DTX3L: variants seen among roughly 807,000 people sequenced by gnomAD.
The protein encoded by DTX3L is deltex E3 ubiquitin ligase 3L.
In DTX3L, 34 loss-of-function variants were observed where a neutral mutation model predicts 60.9. The ratio of observed to expected loss-of-function variants is 0.56; its 90% CI spans 0.42 to 0.74. The LOEUF (loss-of-function observed/expected upper bound fraction) is 0.74. Among genes scored for constraint, DTX3L ranks in the 30% least tolerant of loss-of-function variants. The pLI, the probability that DTX3L is intolerant of heterozygous loss-of-function variation, is 0.00. For synonymous variants in DTX3L, 290 were observed against 316.6 expected (o/e 0.92, Z 0.89); for missense variants, 810 against 874.0 (o/e 0.93, Z 0.92).
At position 122,568,625 on chromosome 3, in the gene DTX3L, A is replaced by C; in HGVS notation, c.536A>C (p.Gln179Pro). Reference protein sequence around the residue: ...DGIEKVCGDFQDIERIHQFLS... With the variant: ...DGIEKVCGDFPDIERIHQFLS... ...ATTGAGAAGGTGTGTGGTGACTTCC[A>C]AGACATTGAAAGAATACATCAATTT... The change falls in exon 3 of 5, where the codon CAA becomes CCA. Residue 179 changes from glutamine (Q) to proline (P), a missense_variant. Physicochemically the swap from Gln to Pro is moderately conservative, Grantham distance 76. Transcript: ENST00000296161. 1.2e-6 allele frequency: 2 copies of C among 1,614,192 alleles called. No homozygotes were observed. The highest frequency in any genetic ancestry group is 1.7e-6 in the Non-Finnish European group (2 of 1,180,034).
At position 122,568,690 on chromosome 3, in the gene DTX3L, T is replaced by C; in HGVS notation, c.601T>C (p.Phe201Leu). The C allele has an allele frequency of 1.2e-6, 2 of 1,614,098 alleles. No homozygotes were observed. The highest frequency in any genetic ancestry group is 2.2e-5 in the East Asian group (1 of 44,874). The change falls in exon 3 of 5, where the codon TTT becomes CTT. Residue 201 changes from phenylalanine to leucine, a missense_variant. Phe to Leu is a conservative substitution (Grantham distance 22). Coordinates refer to ENST00000296161, the MANE Select transcript of DTX3L (RefSeq NM_138287.3). ...CCTGGAAAGTGAGCAGAAACAACAA[T>C]TTTCCCCTTCAATGACAGAGAGGAA... ...QFLESEQKQQFSPSMTERKPL... is the reference protein window; with the variant it reads ...QFLESEQKQQLSPSMTERKPL...
rs2107784279 is a variant in DTX3L, at chr3:122,574,674, C to G, written c.*2927C>G. The G allele has an allele frequency of 6.6e-6, 1 of 152,322 alleles. No individual in the cohort carries two copies. Among genetic ancestry groups the G allele is most frequent in the East Asian group, 1.9e-4 (1 of 5,208 alleles). The allele number at this position is 152,322 out of a possible 1,614,324, so 9.4% of individuals were successfully genotyped here. A position where few individuals can be genotyped will look rare whatever the true frequency, so the allele number is the denominator to read the frequency against. On this transcript the variant is annotated 3_prime_UTR_variant, in exon 5 of 5. Transcript: ENST00000296161. ...GTCACACAGTTAATAAGTGGAAATGCTGGGGTATGAACCAGGTAGTCTGCC... is the reference window on the plus strand; with the variant it reads ...GTCACACAGTTAATAAGTGGAAATGGTGGGGTATGAACCAGGTAGTCTGCC...
Position 122,564,597 on chromosome 3 carries a change from G to A in DTX3L, c.171G>A (p.Glu57=), listed in dbSNP as rs370020354. ...AAGCCCCGGGCACCTTCCGGGTGGA[G>A]TTCAGTGAAAGGGCAGGTGAGCTTC... ...EHEAPGTFRV[E]FSERAAKERV... The change falls in exon 1 of 5, where the codon GAG becomes GAA. Residue 57 remains glutamate (E), a synonymous_variant. Coordinates refer to ENST00000296161, the MANE Select transcript of DTX3L (RefSeq NM_138287.3). 7 of 1,598,280 alleles carry A rather than the reference G, an allele frequency of 4.4e-6. No homozygotes were observed. Among genetic ancestry groups the A allele is most frequent in the South Asian group, 2.2e-5 (2 of 90,228 alleles).
chr3:122,566,201 CAG>C (rs1438962668), intron 2 of DTX3L, 131 bp downstream of exon 2: 2 of 746,166 alleles, frequency 2.7e-6, no homozygotes, highest in East Asian at 2.7e-5. Flanking sequence ...GCACTGGACA[CAG>C]AGATGAATAT....
rs1039011441 is a variant in DTX3L, at chr3:122,571,995, G to A, written c.*248G>A. The A allele has an allele frequency of 5.4e-5, 13 of 242,078 alleles. No homozygotes were observed. Among genetic ancestry groups the A allele is most frequent in the African/African-American group, 1.8e-4 (8 of 44,968 alleles). 15.0% of individuals were successfully genotyped at this position (242,078 alleles called of 1,614,324 possible). A position where few individuals can be genotyped will look rare whatever the true frequency, so the allele number is the denominator to read the frequency against. On this transcript the variant is annotated 3_prime_UTR_variant, in exon 5 of 5. Transcript: ENST00000296161. ...ATGATCTCGGCTCACTGCAAGCTCCGCCTCCCAGGTTCATGCCATTCTCCT... is the reference window on the plus strand; with the variant it reads ...ATGATCTCGGCTCACTGCAAGCTCCACCTCCCAGGTTCATGCCATTCTCCT...
intron 2 of DTX3L, among the ~76,000 whole-genome samples, chr3:122,567,831 G>A (rs934154365): frequency 6.6e-6 from 1 of 152,170 alleles, no homozygotes; most frequent in Non-Finnish European, 1.5e-5. Flanking sequence ...TGTAGAACAC[G>A]GATCTCTTGG....
In DTX3L at chr3:122,569,964, A is replaced by G. The variant is rs2080633255; in HGVS notation, c.1875A>G (p.Pro625=). Reference sequence around the variant, plus strand: ...TCACTGTTTCAAGAGACTCACTTCCAGGTTATGAGTCCTTTGGCACCATTG... The same window carrying G: ...TCACTGTTTCAAGAGACTCACTTCCGGGTTATGAGTCCTTTGGCACCATTG... ...MVFTVSRDSL[P]GYESFGTIVI... The change falls in exon 3 of 5, where the codon CCA becomes CCG. Residue 625 remains proline, a synonymous_variant. Coordinates refer to ENST00000296161, the MANE Select transcript of DTX3L (RefSeq NM_138287.3). 1 of 1,614,016 alleles carries G rather than the reference A, an allele frequency of 6.2e-7. No individual in the cohort carries two copies. The highest frequency in any genetic ancestry group is 8.5e-7 in the Non-Finnish European group (1 of 1,180,020).
intron 2 of DTX3L, among the ~76,000 whole-genome samples, chr3:122,568,037 C>T (rs568236420): frequency 3.3e-5 from 5 of 152,238 alleles, no homozygotes; most frequent in South Asian, 2.1e-4. Flanking sequence ...AGACCAGGCA[C>T]GGTGGCACAT....
At chr3:122,567,247 CA>C (rs971244088) in intron 2 of DTX3L, among the ~76,000 whole-genome samples, 15 of 152,082 alleles carry the variant, frequency 9.9e-5, no homozygotes, top group African/African-American at 3.6e-4. Context: ...AGTTTTGAGC[CA>C]GGGGAGAGGG....
In DTX3L at chr3:122,569,243, A is replaced by G. The variant is rs375819612; in HGVS notation, c.1154A>G (p.Tyr385Cys). Residue 385 changes from tyrosine to cysteine, a missense_variant, in exon 3 of 5, where the codon TAT becomes TGT. Physicochemically the swap from Tyr to Cys is radical, Grantham distance 194. Transcript: ENST00000296161. The stretch of plus-strand genomic sequence containing the variant: ...GTAATTGAGGTTGATAGTGCCCACT[A>G]TAAACTTTTAGAAACTGAATTACTA... The part of the protein sequence containing the change: ...MNVIEVDSAH[Y>C]KLLETELLQE... 1.7e-5 allele frequency: 28 copies of G among 1,614,050 alleles called. No homozygotes were observed. The highest frequency in any genetic ancestry group is 4.0e-5 in the African/African-American group (3 of 74,924).
rs779697362 is a variant in DTX3L, at chr3:122,569,707, C to G, written c.1618C>G (p.Pro540Ala). Residue 540 changes from proline (P) to alanine (A), a missense_variant, in exon 3 of 5, where the codon CCG becomes GCG. By Grantham distance (27) the Pro-to-Ala change is conservative. Coordinates refer to ENST00000296161, the MANE Select transcript of DTX3L (RefSeq NM_138287.3). ...TAGCGATGATTCCAAAGCAGCTTCTCCGCCACTCAAGGGCTCTGTGAGTTC... is the reference window on the plus strand; with the variant it reads ...TAGCGATGATTCCAAAGCAGCTTCTGCGCCACTCAAGGGCTCTGTGAGTTC... ...IDSDDSKAASPPLKGSVSSEA... is the reference protein window; with the variant it reads ...IDSDDSKAASAPLKGSVSSEA... The G allele has an allele frequency of 1.2e-6, 2 of 1,614,210 alleles. No homozygotes were observed. Among genetic ancestry groups the G allele is most frequent in the East Asian group, 4.5e-5 (2 of 44,890 alleles).
At position 122,565,973 on chromosome 3, in the gene DTX3L, T is replaced by G; in HGVS notation, c.302T>G (p.Ile101Ser). 6.2e-7 allele frequency: 1 copy of G among 1,614,184 alleles called. No individual in the cohort carries two copies. The highest frequency in any genetic ancestry group is 8.5e-7 in the Non-Finnish European group (1 of 1,180,040). The part of the protein sequence containing the change: ...NSIKKNTRPQ[I>S]SSLTQSQAET... ...ATAAAGAAGAACACGAGACCTCAAA[T>G]TTCTTCACTGACACAATCACAAGCA... Residue 101 changes from isoleucine to serine, a missense_variant, in exon 2 of 5, where the codon ATT becomes AGT. Ile to Ser is a moderately radical substitution (Grantham distance 142, BLOSUM62 -2). Transcript: ENST00000296161.
At chr3:122,570,070 T>C (rs762168314) in intron 3 of DTX3L, 46 bp downstream of exon 3, 54 of 1,583,866 alleles carry the variant, frequency 3.4e-5, no homozygotes, top group Non-Finnish European at 4.6e-5. Context: ...TATGCTACGA[T>C]TACCAGGGCA....
In DTX3L at chr3:122,572,794, G is replaced by C. The variant is rs1380303194; in HGVS notation, c.*1047G>C. On this transcript the variant is annotated 3_prime_UTR_variant, in exon 5 of 5. Coordinates refer to ENST00000296161, the MANE Select transcript of DTX3L (RefSeq NM_138287.3). ...GGGTTTTGCCATGTTGGCCAGGCTG[G>C]TTTCAAACTCCTGAGCTCAAATGAT... The C allele has an allele frequency of 6.6e-6, 1 of 152,156 alleles. No individual in the cohort carries two copies. Among genetic ancestry groups the C allele is most frequent in the Non-Finnish European group, 1.5e-5 (1 of 68,074 alleles). 9.4% of individuals were successfully genotyped at this position (152,156 alleles called of 1,614,324 possible). A position where few individuals can be genotyped will look rare whatever the true frequency, so the allele number is the denominator to read the frequency against.
Position 122,569,269 on chromosome 3 carries a change from C to A in DTX3L, c.1180C>A (p.Gln394Lys). The change falls in exon 3 of 5, where the codon CAG (glutamine) becomes AAG (lysine). Residue 394 changes from glutamine (Q) to lysine (K), a missense_variant. By Grantham distance (53) the Gln-to-Lys change is moderately conservative. Coordinates refer to ENST00000296161, the MANE Select transcript of DTX3L (RefSeq NM_138287.3). The stretch of plus-strand genomic sequence containing the variant: ...TAAACTTTTAGAAACTGAATTACTA[C>A]AGGAGATATCAGAGATCGAAAAAAG... ...HYKLLETELL[Q>K]EISEIEKRYD... is the part of the protein sequence containing the mutation. The A allele has an allele frequency of 6.2e-7, 1 of 1,614,094 alleles. No individual in the cohort carries two copies. Among genetic ancestry groups the A allele is most frequent in the Non-Finnish European group, 8.5e-7 (1 of 1,180,002 alleles).
Position 122,570,475 on chromosome 3 carries a change from AAAGAG to A in DTX3L, c.1958_1962del (p.Lys653IlefsTer12). 1 of 1,614,180 alleles carries A rather than the reference AAAGAG, an allele frequency of 6.2e-7. No individual in the cohort carries two copies. Among genetic ancestry groups the A allele is most frequent in the Non-Finnish European group, 8.5e-7 (1 of 1,180,028 alleles). ...CACAGGAAGAACACCCAAACCCAGG[AAAGAG>A]ATACCCTGGAATACAGCGAACTGCA... On this transcript the variant is annotated frameshift_variant, in exon 4 of 5. Coordinates refer to ENST00000296161, the MANE Select transcript of DTX3L (RefSeq NM_138287.3). LOFTEE classifies it high-confidence loss of function.
At position 122,574,870 on chromosome 3, in the gene DTX3L, A is replaced by T. The variant is rs2080671831; in HGVS notation, c.*3123A>T. The T allele has an allele frequency of 6.6e-6, 1 of 152,204 alleles. No homozygotes were observed. Among genetic ancestry groups the T allele is most frequent in the Non-Finnish European group, 1.5e-5 (1 of 68,040 alleles). 9.4% of individuals were successfully genotyped at this position (152,204 alleles called of 1,614,324 possible). On this transcript the variant is annotated 3_prime_UTR_variant, in exon 5 of 5. Transcript: ENST00000296161. ...TATTGGAAGAACTTAAAAACTCAGA[A>T]TCTTTTTCTTTGTCCAGAGAGTTGA...
rs1178357649 is a variant in DTX3L, at chr3:122,568,753, C to G, written c.664C>G (p.Pro222Ala). The G allele has an allele frequency of 6.2e-7, 1 of 1,614,132 alleles. No homozygotes were observed. ...SQQERDSCIS[P>A]SEPETKAEQK... The stretch of plus-strand genomic sequence containing the variant: ...GCAGGAGAGGGACAGCTGCATTTCT[C>G]CTTCTGAACCAGAAACCAAGGCAGA... The change falls in exon 3 of 5, where the codon CCT becomes GCT. Residue 222 changes from proline (P) to alanine (A), a missense_variant. By Grantham distance (27) the Pro-to-Ala change is conservative. Transcript: ENST00000296161.
At chr3:122,564,713 G>A (rs994163874) in intron 1 of DTX3L, 100 bp downstream of exon 1, 19 of 1,409,574 alleles carry the variant, frequency 1.3e-5, no homozygotes, top group Admixed American at 2.7e-5. Context: ...GAGGGCGGGA[G>A]AAAGTATGTC....
Sources: allele counts gnomAD v4.1 joint callset (sites outside exome capture counted in the v4.1 genomes callset), GRCh38; gene constraint gnomAD v4.1.1; transcripts MANE v1.5; gene names NCBI Gene and HGNC (gene_info 2026-07-23, HGNC 2026-07-21).